Variants in FGF14 observed in about 807,000 individuals in gnomAD.
FGF14 encodes fibroblast growth factor 14.
Under a neutral mutation model 25.5 loss-of-function variants are expected in FGF14, and 5 were observed. The observed-to-expected ratio is 0.20, with a 90% CI of 0.10 to 0.41. FGF14 has a LOEUF of 0.41. FGF14 is among the 10% of genes least tolerant of loss of function. The pLI is 1.00. For missense variants in FGF14, 222 were observed against 320.1 expected (o/e 0.69, Z 2.34); for synonymous variants, 138 against 118.3 (o/e 1.17, Z -1.08).
At position 101,969,392 on chromosome 13, in the gene FGF14, T is replaced by G. The variant is rs377086171; in HGVS notation, c.209-94096A>C. Among the ~76,000 whole-genome samples, 153 of 152,142 alleles carry G rather than the reference T, an allele frequency of 1.0e-3. 1 individual carries two copies. The highest frequency in any genetic ancestry group is 3.5e-3 in the African/African-American group (147 of 41,472). On this transcript the variant is annotated intron_variant, in intron 1 of 4. Coordinates refer to the FGF14 transcript ENST00000376131. ...TCCTGGCTAACACGGTGAATCCCCG[T>G]CTCTACTAAAAATAACAAAAAAAAA...
chr13:102,105,120 T>TA (rs1336933887), intron 1 of FGF14, among the ~76,000 whole-genome samples: 2 of 152,158 alleles, frequency 1.3e-5, no homozygotes, highest in African/African-American at 2.4e-5. Context: ...GGACATTTAC[T>TA]AAAAAACAGA....
intron 3 of FGF14, among the ~76,000 whole-genome samples, chr13:101,866,309 T>C (rs1441652616): frequency 6.6e-6 from 1 of 152,044 alleles, no homozygotes; most frequent in African/African-American, 2.4e-5. Context: ...CAGACCATAT[T>C]ATGAAAAAAT....
In FGF14 at chr13:101,789,259, C is replaced by G. The variant is rs78993446; in HGVS notation, c.409-62449G>C. On this transcript the variant is annotated intron_variant, in intron 3 of 4. Transcript: ENST00000376143. ...TTCCCTATTTCCATGCTTCCCACCA[C>G]TTATATTCTCTTTTGTGTCTCCAGG... Among the ~76,000 whole-genome samples the G allele has an allele frequency of 7.8e-3, 1,192 of 152,126 alleles. 18 individuals carry two copies. Among genetic ancestry groups the G allele is most frequent in the African/African-American group, 0.027 (1,139 of 41,514 alleles).
chr13:102,352,014 A>C (rs149027204), intron 1 of FGF14, among the ~76,000 whole-genome samples: 1 of 152,310 alleles, frequency 6.6e-6, no homozygotes, highest in Non-Finnish European at 1.5e-5. Context: ...AGTCCCACTT[A>C]TGACATTATT....
intron 1 of FGF14, among the ~76,000 whole-genome samples, chr13:101,965,075 T>G (rs1258599337): frequency 6.6e-6 from 1 of 151,934 alleles, no homozygotes. Flanking sequence ...GACCCCCTTG[T>G]CTACTAAAAA....
chr13:102,234,605 T>A (rs1222989601), intron 1 of FGF14, among the ~76,000 whole-genome samples: 2 of 152,186 alleles, frequency 1.3e-5, no homozygotes, highest in Admixed American at 6.5e-5. Flanking sequence ...ATTTTTTAAA[T>A]AATAGGCAAT....
intron 1 of FGF14, among the ~76,000 whole-genome samples, chr13:102,127,542 A>G (rs2045999909): frequency 6.6e-6 from 1 of 152,230 alleles, no homozygotes; most frequent in Non-Finnish European, 1.5e-5. Flanking sequence ...AGATGCAAAG[A>G]GGATTTGTAT....
intron 1 of FGF14, among the ~76,000 whole-genome samples, chr13:102,350,476 C>G (rs1261663182): frequency 6.6e-6 from 1 of 152,120 alleles, no homozygotes; most frequent in African/African-American, 2.4e-5. Flanking sequence ...AAGGCAGACG[C>G]CTTGTTATAC....
At chr13:102,312,728 T>C (rs1594821395) in intron 1 of FGF14, among the ~76,000 whole-genome samples, 4 of 152,208 alleles carry the variant, frequency 2.6e-5, no homozygotes, top group Admixed American at 6.5e-5. Context: ...TGTTTTGTTT[T>C]GTTTTGTTTT....
intron 1 of FGF14, among the ~76,000 whole-genome samples, chr13:101,991,825 T>A (rs754864784): frequency 5.3e-5 from 8 of 151,972 alleles, no homozygotes; most frequent in Non-Finnish European, 1.2e-4. Flanking sequence ...AGCCCACACT[T>A]TCTTAAATTT....
chr13:101,730,823 G>A (rs1013706105), intron 3 of FGF14, among the ~76,000 whole-genome samples: 1 of 152,194 alleles, frequency 6.6e-6, no homozygotes. Flanking sequence ...GCACCGTAAT[G>A]AGGATAAATG....
At chr13:102,116,817 ATAT>A (rs1440975281) in intron 1 of FGF14, among the ~76,000 whole-genome samples, 9 of 152,228 alleles carry the variant, frequency 5.9e-5, no homozygotes, top group African/African-American at 2.2e-4. Flanking sequence ...AAAATGGTAA[ATAT>A]TATGTTATAC....
At position 101,884,062 on chromosome 13, in the gene FGF14, C is replaced by CAAAAAAAAAA. The variant is rs11315735; in HGVS notation, c.194-8776_194-8767dup. On this transcript the variant is annotated intron_variant, in intron 1 of 4. Transcript: ENST00000376143. Reference sequence around the variant, plus strand: ...TGGGCAACAGAGTAAGACTCCATCTCAAAAAAAAAAAAAAAAAAAAAAAAA... The same window carrying CAAAAAAAAAA: ...TGGGCAACAGAGTAAGACTCCATCTCAAAAAAAAAAAAAAAAAAAAAAAAAAAAAAAAAAA... 1.3e-4 allele frequency among the ~76,000 whole-genome samples: 5 copies of CAAAAAAAAAA among 37,840 alleles called. 1 individual carries two copies. Among genetic ancestry groups the CAAAAAAAAAA allele is most frequent in the East Asian group, 1.8e-3 (2 of 1,086 alleles). The allele number at this position is 37,840 out of a possible 152,430, so 24.8% of individuals were successfully genotyped here. A position where few individuals can be genotyped will look rare whatever the true frequency, so the allele number is the denominator to read the frequency against.
chr13:102,333,782 A>AT (rs1398228481), intron 1 of FGF14, among the ~76,000 whole-genome samples: 2 of 152,148 alleles, frequency 1.3e-5, no homozygotes, highest in Non-Finnish European at 2.9e-5. Flanking sequence ...AAAAAGAGGT[A>AT]TTTGGTCATT....
At chr13:102,242,260 A>G (rs1025764402) in intron 1 of FGF14, among the ~76,000 whole-genome samples, 2 of 152,294 alleles carry the variant, frequency 1.3e-5, no homozygotes, top group East Asian at 3.9e-4. Flanking sequence ...CTTAAGGTGT[A>G]AATATGACAA....
rs1193649301 is a variant in FGF14, at chr13:101,985,717, GC to G, written c.209-110422del. Among the ~76,000 whole-genome samples, 8 of 151,992 alleles carry G rather than the reference GC, an allele frequency of 5.3e-5. 1 individual carries two copies. Among genetic ancestry groups the G allele is most frequent in the Non-Finnish European group, 2.9e-5 (2 of 67,970 alleles). On this transcript the variant is annotated intron_variant, in intron 1 of 4. Coordinates refer to the FGF14 transcript ENST00000376131. ...CTAGTGTCATCCTGTAAAATGCTAT[GC>G]ATAAATTTGTGAACAATAATTGCTA...
intron 1 of FGF14, among the ~76,000 whole-genome samples, chr13:102,340,401 T>G (rs9518704): frequency 6.6e-6 from 1 of 152,088 alleles, no homozygotes; most frequent in Middle Eastern, 3.4e-3. Flanking sequence ...GATTGCTAGC[T>G]ATTCTTTGCC....
intron 1 of FGF14, among the ~76,000 whole-genome samples, chr13:102,161,586 G>GAAGAAGAAAGAAGAAGAAAGAAGAAGA (rs2047666354): frequency 4.5e-4 from 1 of 2,222 alleles, no homozygotes; most frequent in Non-Finnish European, 6.8e-4. Context: ...AGAAGAAGAA[G>GAAGAAGAAAGAAGAAGAAAGAAGAAGA]AAGAAGAAGA....
chr13:101,800,372 T>C (rs540466499), intron 3 of FGF14, among the ~76,000 whole-genome samples: 1 of 152,148 alleles, frequency 6.6e-6, no homozygotes, highest in African/African-American at 2.4e-5. Context: ...CAAAATATGA[T>C]AGTCATAAGT....
Sources: allele counts gnomAD v4.1 joint callset (sites outside exome capture counted in the v4.1 genomes callset), GRCh38; gene constraint gnomAD v4.1.1; transcripts MANE v1.5; gene names NCBI Gene and HGNC (gene_info 2026-07-23, HGNC 2026-07-21).